The following RBMS3 variants were observed in gnomAD, a reference collection of about 807,000 sequenced individuals.
RBMS3 encodes the protein RNA binding motif single stranded interacting protein 3.
RBMS3 carries 27 observed loss-of-function variants against 66.8 expected under a neutral mutation model. The observed-to-expected ratio is 0.40, with a 90% CI of 0.30 to 0.56. RBMS3 has a LOEUF of 0.56. Among genes scored for constraint, RBMS3 ranks in the 20% least tolerant of loss-of-function variants. The pLI is 0.40. For missense variants in RBMS3, 513 were observed against 549.5 expected (o/e 0.93, Z 0.66); for synonymous variants, 188 against 183.0 (o/e 1.03, Z -0.22).
chr3:29,843,616 C>T (rs550698774), intron 6 of RBMS3, among the ~76,000 whole-genome samples: 1 of 152,216 alleles, frequency 6.6e-6, no homozygotes, highest in East Asian at 1.9e-4. Flanking sequence ...TGAAAATGAA[C>T]TGTATCTGCT....
intron 4 of RBMS3, among the ~76,000 whole-genome samples, chr3:29,590,260 T>C (rs897725632): frequency 6.6e-6 from 1 of 152,080 alleles, no homozygotes; most frequent in African/African-American, 2.4e-5. Flanking sequence ...TAAATATCTC[T>C]GAACTTCTCT....
chr3:29,988,294 T>A (rs1698574570), intron 13 of RBMS3, 71 bp downstream of exon 13: 5 of 1,300,084 alleles, frequency 3.8e-6, no homozygotes, highest in Non-Finnish European at 5.5e-6. Flanking sequence ...TAGTCCCCCA[T>A]AACCATAGGA....
At chr3:29,399,779 A>C (rs573360022) in intron 1 of RBMS3, among the ~76,000 whole-genome samples, 2 of 152,194 alleles carry the variant, frequency 1.3e-5, no homozygotes, top group Non-Finnish European at 2.9e-5. Flanking sequence ...TAGAAGTGTC[A>C]TAAAGCCACT....
At chr3:29,911,113 G>A (rs1234872844) in intron 10 of RBMS3, among the ~76,000 whole-genome samples, 1 of 152,036 alleles carries the variant, frequency 6.6e-6, no homozygotes, top group Non-Finnish European at 1.5e-5. Flanking sequence ...AGGGAGTAGA[G>A]GAATAAGAAC....
intron 6 of RBMS3, among the ~76,000 whole-genome samples, chr3:29,852,659 C>T (rs1343568982): frequency 6.6e-6 from 1 of 152,128 alleles, no homozygotes; most frequent in Non-Finnish European, 1.5e-5. Context: ...AGTCAAAATA[C>T]AGCAGATGCT....
chr3:29,781,714 G>A (rs988999103), intron 6 of RBMS3, among the ~76,000 whole-genome samples: 1 of 152,006 alleles, frequency 6.6e-6, no homozygotes, highest in Non-Finnish European at 1.5e-5. Context: ...CTTTCTCAGT[G>A]GGGAGGCTAG....
intron 2 of RBMS3, among the ~76,000 whole-genome samples, chr3:29,463,614 GAA>G (rs3041556): frequency 0.059 from 7,512 of 127,112 alleles, 380 homozygotes; most frequent in African/African-American, 0.15. Flanking sequence ...CTGGTTAGTT[GAA>G]AAAAAAAAAA....
At chr3:29,545,050 A>G (rs1263423676) in intron 3 of RBMS3, among the ~76,000 whole-genome samples, 1 of 152,138 alleles carries the variant, frequency 6.6e-6, no homozygotes, top group African/African-American at 2.4e-5. Context: ...CTGTAAGGAC[A>G]TTTATTATAA....
rs2031744800 is a variant in RBMS3, at chr3:29,281,262, G to A, written c.-420G>A. On this transcript the variant is annotated 5_prime_UTR_variant, in exon 1 of 15. Coordinates refer to ENST00000383767, the MANE Select transcript of RBMS3 (RefSeq NM_001003793.3). Reference sequence around the variant, plus strand: ...AAGGTGGGGAAAGAGACAACCAAGAGACAGGAAGCTGATCTGCAAGGATTC... The same window carrying A: ...AAGGTGGGGAAAGAGACAACCAAGAAACAGGAAGCTGATCTGCAAGGATTC... The A allele has an allele frequency of 6.2e-6, 1 of 161,744 alleles. No homozygotes were observed. The highest frequency in any genetic ancestry group is 1.3e-5 in the Non-Finnish European group (1 of 76,638). The allele number at this position is 161,744 out of a possible 1,614,324, so 10.0% of individuals were successfully genotyped here.
intron 2 of RBMS3, among the ~76,000 whole-genome samples, chr3:29,480,310 G>T (rs887070397): frequency 2.0e-5 from 3 of 152,188 alleles, no homozygotes; most frequent in African/African-American, 7.2e-5. Context: ...AAGCCACCCA[G>T]ATGTTCCAAT....
chr3:29,764,887 T>C (rs956605538), intron 6 of RBMS3, among the ~76,000 whole-genome samples: 3 of 152,008 alleles, frequency 2.0e-5, no homozygotes, highest in Admixed American at 2.0e-4. Context: ...ATGAGTTTTC[T>C]CACTCATTTT....
At chr3:29,958,963 C>T (rs985580421) in intron 12 of RBMS3, among the ~76,000 whole-genome samples, 2 of 152,154 alleles carry the variant, frequency 1.3e-5, no homozygotes, top group African/African-American at 4.8e-5. Flanking sequence ...CCCTTTACTA[C>T]CCCTTTTTCA....
chr3:29,430,625 T>C (rs1052376784), intron 1 of RBMS3, among the ~76,000 whole-genome samples: 6 of 152,186 alleles, frequency 3.9e-5, no homozygotes, highest in African/African-American at 1.4e-4. Context: ...CAAAGAGCCC[T>C]AGGGGGGAAA....
intron 11 of RBMS3, among the ~76,000 whole-genome samples, chr3:29,942,221 G>GA (rs533906873): frequency 7.5e-4 from 113 of 151,654 alleles, no homozygotes; most frequent in South Asian, 1.9e-3. Flanking sequence ...TGTCAAATTT[G>GA]AAAAAATGGA....
chr3:29,513,740 T>C (rs1289175752), intron 3 of RBMS3, among the ~76,000 whole-genome samples: 1 of 152,140 alleles, frequency 6.6e-6, no homozygotes, highest in African/African-American at 2.4e-5. Context: ...ACACCACATA[T>C]TTTGCCCATT....
chr3:29,367,207 C>A (rs1459989110), intron 1 of RBMS3, among the ~76,000 whole-genome samples: 2 of 151,966 alleles, frequency 1.3e-5, no homozygotes, highest in African/African-American at 2.4e-5. Flanking sequence ...AATTAACATT[C>A]ATTTCATCAT....
intron 1 of RBMS3, among the ~76,000 whole-genome samples, chr3:29,376,177 A>G (rs1022266005): frequency 8.4e-6 from 1 of 119,394 alleles, no homozygotes; most frequent in Non-Finnish European, 1.6e-5. Flanking sequence ...AACAACACAC[A>G]CTGGGTCTTG....
intron 6 of RBMS3, among the ~76,000 whole-genome samples, chr3:29,824,155 A>C (rs1370443945): frequency 7.3e-6 from 1 of 137,576 alleles, no homozygotes; most frequent in Non-Finnish European, 1.5e-5. Context: ...TTGAAATCCT[A>C]ACCTCCAAGG....
chr3:29,742,079 C>G (rs1333001218), intron 5 of RBMS3, among the ~76,000 whole-genome samples: 1 of 152,134 alleles, frequency 6.6e-6, no homozygotes, highest in Non-Finnish European at 1.5e-5. Context: ...ATTTCTCTCC[C>G]ATTTATCTTT....
Sources: gnomAD v4.1 joint callset for allele counts (sites outside exome capture counted in the v4.1 genomes callset) on GRCh38, gnomAD v4.1.1 for gene constraint, MANE v1.5 for transcripts, NCBI Gene and HGNC (gene_info 2026-07-23, HGNC 2026-07-21) for gene names.